The following FAM76A variants were observed in gnomAD, a reference collection of about 807,000 sequenced individuals.
FAM76A encodes protein FAM76A.
Under a neutral mutation model 46.2 loss-of-function variants are expected in FAM76A, and 32 were observed. That is an observed-to-expected ratio of 0.69 (90% CI 0.52 to 0.93). The LOEUF (loss-of-function observed/expected upper bound fraction) is 0.93, where lower values mean the gene tolerates loss of function less well. FAM76A is among the 40% of genes least tolerant of loss of function. FAM76A has a pLI of 0.00. For missense variants in FAM76A, 274 were observed against 361.5 expected, an observed-to-expected ratio of 0.76 and a Z score of 1.96; for synonymous variants, 137 against 127.0, an observed-to-expected ratio of 1.08 and a Z score of -0.53.
intron 4 of FAM76A, among the ~76,000 whole-genome samples, chr1:27,741,876 C>CT (rs1487848316): frequency 7.1e-6 from 1 of 140,108 alleles, no homozygotes; most frequent in Non-Finnish European, 1.5e-5. Flanking sequence ...AAGTGAGACT[C>CT]TATCTCAAAA....
intron 4 of FAM76A, chr1:27,740,405 T>G: frequency 7.2e-7 from 1 of 1,394,636 alleles, no homozygotes; most frequent in Non-Finnish European, 1.0e-6. Flanking sequence ...AATTCATGGA[T>G]GATATGGTGC....
chr1:27,744,772 A>G lies in FAM76A; in HGVS notation c.473A>G (p.Glu158Gly). ...SSSRAGHQEK[E>G]QYSRLSGGGH... is the part of the protein sequence containing the mutation. ...TCTCGTGCTGGCCACCAGGAGAAGG[A>G]GCAGTATAGTCGCCTGAGTGGTGGT... The change falls in exon 5 of 9, where the codon GAG becomes GGG. Residue 158 changes from glutamate (E) to glycine (G), a missense_variant. By Grantham distance (98) the Glu-to-Gly change is moderately conservative. Transcript: ENST00000373954. 6.2e-7 allele frequency: 1 copy of G among 1,614,198 alleles called. No homozygotes were observed. Among genetic ancestry groups the G allele is most frequent in the Non-Finnish European group, 8.5e-7 (1 of 1,180,032 alleles).
At chr1:27,755,051 G>A in intron 6 of FAM76A, 144 bp from the exon 7 acceptor site, 1 of 866,146 alleles carries the variant, frequency 1.2e-6, no homozygotes, top group Middle Eastern at 2.5e-4. Flanking sequence ...GTGCCGTTGA[G>A]CCCAGCATGT....
intron 4 of FAM76A, chr1:27,739,840 T>TAA (rs36037658): frequency 7.5e-4 from 135 of 179,110 alleles, no homozygotes; most frequent in African/African-American, 3.2e-3. Flanking sequence ...ATGATAATGT[T>TAA]AAAAAAAATA....
rs778615762 is a variant in FAM76A, at chr1:27,755,291, G to A, written c.696G>A (p.Leu232=). 33 of 1,614,052 alleles carry A rather than the reference G, an allele frequency of 2.0e-5. 1 individual carries two copies. Among genetic ancestry groups the A allele is most frequent in the Non-Finnish European group, 2.5e-5 (29 of 1,180,034 alleles). ...AAGTGGCTACCCTGAAGAAGATGTT[G>A]CATCAAAAGGATCAAATGATTTTAG... ...KEEVATLKKM[L]HQKDQMILEK... is the part of the protein sequence containing the mutation. Residue 232 remains leucine, a synonymous_variant, in exon 7 of 9, where the codon TTG becomes TTA. Coordinates refer to ENST00000373954, the MANE Select transcript of FAM76A (RefSeq NM_152660.3).
chr1:27,739,180 C>A, intron 4 of FAM76A: 1 of 406,036 alleles, frequency 2.5e-6, no homozygotes, highest in Non-Finnish European at 4.8e-6. Context: ...TTTATCAGTT[C>A]TAAGGATGCT....
Position 27,760,487 on chromosome 1 carries a change from T to A in FAM76A, c.838-8T>A. Reference sequence around the variant, plus strand: ...CATCCTTCTTGCACTGATTTTTTTTTTCTTTAGGCCAAAAACCGAGAGCTC... The same window carrying A: ...CATCCTTCTTGCACTGATTTTTTTTATCTTTAGGCCAAAAACCGAGAGCTC... On this transcript the variant is annotated splice_polypyrimidine_tract_variant and splice_region_variant and intron_variant, in intron 8 of 8. Transcript: ENST00000373954. 2.5e-6 allele frequency: 4 copies of A among 1,604,868 alleles called. No homozygotes were observed. Among genetic ancestry groups the A allele is most frequent in the Non-Finnish European group, 3.4e-6 (4 of 1,175,686 alleles).
Position 27,727,482 on chromosome 1 carries a change from T to G in FAM76A, c.92T>G (p.Ile31Ser). 1 of 1,613,726 alleles carries G rather than the reference T, an allele frequency of 6.2e-7. No homozygotes were observed. Among genetic ancestry groups the G allele is most frequent in the Non-Finnish European group, 8.5e-7 (1 of 1,179,666 alleles). The change falls in exon 2 of 9, where the codon ATT becomes AGT. Residue 31 changes from isoleucine to serine, a missense_variant. By Grantham distance (142) the Ile-to-Ser change is moderately radical (BLOSUM62 -2). Coordinates refer to ENST00000373954, the MANE Select transcript of FAM76A (RefSeq NM_152660.3). ...QGQQLCKECR[I>S]AHPVVKCTYC... ...CTCATTTCATTTCAGGAATGTCGGA[T>G]TGCACACCCTGTTGTGAAGTGCACC...
rs1441454978 is a variant in FAM76A, at chr1:27,760,572, C to A, written c.915C>A (p.Thr305=). ...AGTCAGAGAAGTCAGGAGCTATAACCTCTCCATGACAGACCTCAAGGAGGC... is the reference window on the plus strand; with the variant it reads ...AGTCAGAGAAGTCAGGAGCTATAACATCTCCATGACAGACCTCAAGGAGGC... ...SKKSEKSGAI[T]SP The change falls in exon 9 of 9, where the codon ACC becomes ACA. Residue 305 remains threonine, a synonymous_variant. Coordinates refer to ENST00000373954, the MANE Select transcript of FAM76A (RefSeq NM_152660.3). 1 of 1,610,426 alleles carries A rather than the reference C, an allele frequency of 6.2e-7. No homozygotes were observed. The highest frequency in any genetic ancestry group is 1.1e-5 in the South Asian group (1 of 90,622).
chr1:27,742,694 T>C (rs923586448), intron 4 of FAM76A, among the ~76,000 whole-genome samples: 3 of 152,140 alleles, frequency 2.0e-5, no homozygotes, highest in Non-Finnish European at 2.9e-5. Flanking sequence ...GTTAATAAAA[T>C]TATAGTTGAA....
intron 2 of FAM76A, among the ~76,000 whole-genome samples, chr1:27,728,604 T>C (rs574723410): frequency 6.8e-4 from 103 of 151,872 alleles, no homozygotes; most frequent in Non-Finnish European, 9.9e-4. Context: ...CCTTCCTCGT[T>C]AGCCTCTCAA....
intron 3 of FAM76A, among the ~76,000 whole-genome samples, chr1:27,733,434 T>A (rs908759924): frequency 6.6e-6 from 1 of 152,234 alleles, no homozygotes; most frequent in Non-Finnish European, 1.5e-5. Flanking sequence ...AAAGAGCTGG[T>A]TCTGTTGCAT....
intron 1 of FAM76A, 58 bp from the exon 2 acceptor site, chr1:27,727,414 C>A: frequency 6.8e-7 from 1 of 1,460,584 alleles, no homozygotes; most frequent in African/African-American, 1.4e-5. Flanking sequence ...CGGCTTCCTA[C>A]TGAAGGCTGT....
chr1:27,750,379 A>G (rs2148582780), intron 6 of FAM76A, among the ~76,000 whole-genome samples: 1 of 152,358 alleles, frequency 6.6e-6, no homozygotes, highest in African/African-American at 2.4e-5. Flanking sequence ...GGGAGGAACC[A>G]TAAAGATCAT....
intron 7 of FAM76A, 134 bp downstream of exon 7, chr1:27,755,464 C>A: frequency 1.7e-6 from 2 of 1,166,590 alleles, no homozygotes; most frequent in Non-Finnish European, 2.4e-6. Flanking sequence ...TGGGGAGAGG[C>A]TGGCTGTCTG....
rs1426366742 is a variant in FAM76A at position 27,761,266 on chromosome 1, A to T, written c.*685A>T. ...TTGTAAAAGTGATGCCTCTTGAAAAAAAAACAGTCCTATTCACTAGCTTTT... is the reference window on the plus strand; with the variant it reads ...TTGTAAAAGTGATGCCTCTTGAAAATAAAACAGTCCTATTCACTAGCTTTT... On this transcript the variant is annotated 3_prime_UTR_variant, in exon 9 of 9. Coordinates refer to ENST00000373954, the MANE Select transcript of FAM76A (RefSeq NM_152660.3). 1 of 152,590 alleles carries T rather than the reference A, an allele frequency of 6.6e-6. No homozygotes were observed. Among genetic ancestry groups the T allele is most frequent in the African/African-American group, 2.4e-5 (1 of 41,434 alleles). 9.5% of individuals were successfully genotyped at this position (152,590 alleles called of 1,614,324 possible). A position where few individuals can be genotyped will look rare whatever the true frequency, so the allele number is the denominator to read the frequency against.
At chr1:27,732,493 C>A in intron 2 of FAM76A, 110 bp from the exon 3 acceptor site, 1 of 740,286 alleles carries the variant, frequency 1.4e-6, no homozygotes, top group South Asian at 2.0e-5. Flanking sequence ...ACCAAGCATC[C>A]AGACCATATC....
chr1:27,758,971 C>T (rs2148588913), intron 7 of FAM76A, among the ~76,000 whole-genome samples: 1 of 152,178 alleles, frequency 6.6e-6, no homozygotes, highest in South Asian at 2.1e-4. Flanking sequence ...TCTGCCTGTG[C>T]CTATACTGTT....
At chr1:27,752,260 A>G (rs1454481253) in intron 6 of FAM76A, among the ~76,000 whole-genome samples, 4 of 151,192 alleles carry the variant, frequency 2.6e-5, no homozygotes, top group African/African-American at 4.9e-5. Context: ...TTAGCCTTCT[A>G]TTTTTTTTAG....
Sources: gnomAD v4.1 joint callset for allele counts (sites outside exome capture counted in the v4.1 genomes callset) on GRCh38, gnomAD v4.1.1 for gene constraint, MANE v1.5 for transcripts, NCBI Gene and HGNC (gene_info 2026-07-23, HGNC 2026-07-21) for gene names.